Variants in CELF2 observed in about 807,000 individuals in gnomAD.
CELF2 encodes the protein CUG triplet repeat RNA-binding protein 2.
CELF2 carries 8 observed loss-of-function variants against 62.6 expected under a neutral mutation model. That is an observed-to-expected ratio of 0.13 (90% confidence interval 0.07 to 0.23). The LOEUF is 0.23. Ranked by LOEUF, CELF2 falls within the 10% of genes least tolerant of loss-of-function variation. The pLI is 1.00. For missense variants in CELF2, 333 were observed against 671.0 expected (o/e 0.50, Z 5.56); for synonymous variants, 258 against 250.0 (o/e 1.03, Z -0.30).
the CELF2 span, among the ~76,000 whole-genome samples, chr10:10,483,303 T>C: frequency 7.9e-5 from 12 of 151,424 alleles, no homozygotes; most frequent in Non-Finnish European, 1.5e-4. Flanking sequence ...TGTCATGGGA[T>C]GACCTCTCCA....
upstream of CELF2, among the ~76,000 whole-genome samples, chr10:10,797,407 G>T (rs79109589): frequency 6.7e-6 from 1 of 150,252 alleles, no homozygotes; most frequent in African/African-American, 2.5e-5. Context: ...AAAAAAAAAA[G>T]ACCTAAATCA....
At chr10:10,971,255 A>G (rs939653848) in intron 2 of CELF2, among the ~76,000 whole-genome samples, 1 of 152,134 alleles carries the variant, frequency 6.6e-6, no homozygotes, top group African/African-American at 2.4e-5. Flanking sequence ...GAGTTCTCAT[A>G]GACAGCTACT....
At chr10:11,273,139 A>G (rs1049813907) in intron 7 of CELF2, among the ~76,000 whole-genome samples, 3 of 152,090 alleles carry the variant, frequency 2.0e-5, no homozygotes, top group Non-Finnish European at 4.4e-5. Flanking sequence ...TGGTTTTAGT[A>G]TAACCTGATA....
At chr10:10,691,928 T>A in the CELF2 span, among the ~76,000 whole-genome samples, 10 of 151,514 alleles carry the variant, frequency 6.6e-5, no homozygotes, top group African/African-American at 2.4e-4. Flanking sequence ...GATGAGTAGG[T>A]TGCGAAAATT....
At chr10:10,478,100 G>T in the CELF2 span, among the ~76,000 whole-genome samples, 1 of 151,998 alleles carries the variant, frequency 6.6e-6, no homozygotes, top group Non-Finnish European at 1.5e-5. Context: ...TACCCTTCCA[G>T]GAAAAAAGTT....
At chr10:10,970,333 C>T (rs185515933) in intron 2 of CELF2, among the ~76,000 whole-genome samples, 248 of 152,240 alleles carry the variant, frequency 1.6e-3, no homozygotes, top group African/African-American at 5.8e-3. Flanking sequence ...TCCCAAAGTG[C>T]TGGGATTACA....
chr10:10,842,293 A>G (rs970413560), intron 1 of CELF2, among the ~76,000 whole-genome samples: 2 of 151,626 alleles, frequency 1.3e-5, no homozygotes, highest in African/African-American at 4.8e-5. Context: ...TTTTTCTTGT[A>G]TTTTTTTCTA....
At chr10:10,649,206 C>T in the CELF2 span, among the ~76,000 whole-genome samples, 1 of 152,176 alleles carries the variant, frequency 6.6e-6, no homozygotes, top group African/African-American at 2.4e-5. Context: ...AATGGTATGG[C>T]TTTTGTTATC....
chr10:10,843,901 GA>G (rs1456933893), intron 1 of CELF2, among the ~76,000 whole-genome samples: 1 of 151,906 alleles, frequency 6.6e-6, no homozygotes, highest in African/African-American at 2.4e-5. Flanking sequence ...GAATTACTAA[GA>G]TTTTTTTTCA....
chr10:11,148,072 T>C (rs2062608478), intron 1 of CELF2, among the ~76,000 whole-genome samples: 1 of 152,244 alleles, frequency 6.6e-6, no homozygotes, highest in Non-Finnish European at 1.5e-5. Flanking sequence ...TGAACAGCCA[T>C]GAAAGTGACC....
intron 2 of CELF2, among the ~76,000 whole-genome samples, chr10:11,203,028 A>T (rs1190368990): frequency 6.6e-6 from 1 of 151,332 alleles, no homozygotes; most frequent in African/African-American, 2.4e-5. Context: ...TCAGAAATCC[A>T]TCCTCATCCA....
rs545824820 is a variant in CELF2, at chr10:10,995,284, A to C, written c.89+75285A>C. ...TTTATTTTTATTTTTTGAAACTGGG[A>C]CCATATTATGACATCTTTGTATCTC... On this transcript the variant is annotated intron_variant, in intron 2 of 13. Transcript: ENST00000636488. This position sits in a 1 kb window ranked among gnomAD's most constrained non-coding sequence, Gnocchi z 4.7. 7.8e-4 allele frequency among the ~76,000 whole-genome samples: 119 copies of C among 152,242 alleles called. 2 individuals are homozygous for C. The highest frequency in any genetic ancestry group is 1.5e-3 in the Non-Finnish European group (100 of 68,010).
chr10:10,716,733 C>G, the CELF2 span, among the ~76,000 whole-genome samples: 2 of 152,194 alleles, frequency 1.3e-5, no homozygotes, highest in African/African-American at 4.8e-5. Context: ...CCAAGGTGAT[C>G]AGTTTCAACA....
intron 1 of CELF2, among the ~76,000 whole-genome samples, chr10:10,885,058 A>G (rs1266617457): frequency 6.6e-6 from 1 of 152,162 alleles, no homozygotes; most frequent in Non-Finnish European, 1.5e-5. Context: ...CCTGGCCAAC[A>G]TGGTGAAACC....
Position 11,110,206 on chromosome 10 carries a change from C to T in CELF2, c.75-55280C>T, listed in dbSNP as rs978099765. The stretch of plus-strand genomic sequence containing the variant: ...GGAGGATCACTTGAGCCTGAGAGGT[C>T]AAGGCTGCATGGAACCCTGAACGTC... On this transcript the variant is annotated intron_variant, in intron 1 of 12. Transcript: ENST00000633077. The surrounding 1 kb of genome is among the most constrained non-coding windows in gnomAD (Gnocchi z 4.0). 6.6e-6 allele frequency among the ~76,000 whole-genome samples: 1 copy of T among 152,022 alleles called. No homozygotes were observed. The highest frequency in any genetic ancestry group is 1.5e-5 in the Non-Finnish European group (1 of 67,998).
At chr10:10,793,964 G>A (rs549947349), upstream of CELF2, among the ~76,000 whole-genome samples, 24 of 149,804 alleles carry the variant, frequency 1.6e-4, no homozygotes, top group African/African-American at 5.8e-4. Context: ...AAAAGACAAT[G>A]TTTTCTTTTT....
the CELF2 span, among the ~76,000 whole-genome samples, chr10:10,722,342 A>T: frequency 6.6e-6 from 1 of 152,204 alleles, no homozygotes; most frequent in East Asian, 1.9e-4. Context: ...ACTTAAAAAA[A>T]AACGCTTATT....
chr10:10,589,081 A>G, the CELF2 span, among the ~76,000 whole-genome samples: 1 of 152,190 alleles, frequency 6.6e-6, no homozygotes, highest in Admixed American at 6.5e-5. Flanking sequence ...TATACATTTT[A>G]GGGAGACAGG....
chr10:10,989,280 C>T (rs2136633514), intron 2 of CELF2, among the ~76,000 whole-genome samples: 1 of 152,212 alleles, frequency 6.6e-6, no homozygotes, highest in Admixed American at 6.5e-5. Flanking sequence ...GCTTGAAGTT[C>T]GCTTTGAAAG....
Sources: allele counts gnomAD v4.1 joint callset (sites outside exome capture counted in the v4.1 genomes callset), GRCh38; gene constraint gnomAD v4.1.1; non-coding constraint Gnocchi (gnomAD v3.1); transcripts MANE v1.5; gene names NCBI Gene and HGNC (gene_info 2026-07-23, HGNC 2026-07-21).